The following DCPH1 variants were observed in gnomAD, a reference collection of about 807,000 sequenced individuals.
DCPH1 encodes damage-control phosphatase 1.
the DCPH1 span, chr6:151,454,648 G>A: frequency 4.8e-6 from 7 of 1,464,542 alleles, no homozygotes; most frequent in Non-Finnish European, 6.7e-6. Flanking sequence ...TGAGAAACAC[G>A]GAGAGGTAAG....
chr6:151,452,615 T>C, the DCPH1 span: 10 of 1,595,704 alleles, frequency 6.3e-6, no homozygotes, highest in Non-Finnish European at 8.5e-6. Context: ...CTCCCCACTT[T>C]TGCGGAAAGC....
the DCPH1 span, among the ~76,000 whole-genome samples, chr6:151,467,865 C>A: frequency 6.6e-6 from 1 of 152,062 alleles, no homozygotes; most frequent in Non-Finnish European, 1.5e-5. Flanking sequence ...TTAAATTTTA[C>A]AAATGAGAGA....
At chr6:151,456,260 A>G in the DCPH1 span, among the ~76,000 whole-genome samples, 1 of 152,238 alleles carries the variant, frequency 6.6e-6, no homozygotes, top group Non-Finnish European at 1.5e-5. Context: ...GTAAAAGAGC[A>G]TACATATACC....
the DCPH1 span, among the ~76,000 whole-genome samples, chr6:151,455,395 T>G: frequency 6.6e-6 from 1 of 152,210 alleles, no homozygotes; most frequent in African/African-American, 2.4e-5. Context: ...TGATCATTCG[T>G]GGGTGTTTCT....
the DCPH1 span, among the ~76,000 whole-genome samples, chr6:151,454,842 T>C: frequency 1.2e-4 from 18 of 152,344 alleles, no homozygotes; most frequent in Admixed American, 1.3e-4. Flanking sequence ...ATGATTGTGT[T>C]CCAATAATTA....
the DCPH1 span, among the ~76,000 whole-genome samples, chr6:151,465,357 T>C: frequency 6.6e-6 from 1 of 152,088 alleles, no homozygotes; most frequent in South Asian, 2.1e-4. Flanking sequence ...TAGAAAGTGC[T>C]ATGAAGAGAA....
chr6:151,459,746 C>A, the DCPH1 span, among the ~76,000 whole-genome samples: 1 of 152,148 alleles, frequency 6.6e-6, no homozygotes, highest in Non-Finnish European at 1.5e-5. Context: ...GCCAAGATTA[C>A]ACCACCGCAC....
chr6:151,453,449 T>G, the DCPH1 span, among the ~76,000 whole-genome samples: 2 of 152,246 alleles, frequency 1.3e-5, no homozygotes, highest in Admixed American at 6.5e-5. Context: ...CTCTGAGGTA[T>G]TAGTGATTTC....
chr6:151,458,704 T>C, the DCPH1 span: 2 of 653,200 alleles, frequency 3.1e-6, no homozygotes, highest in East Asian at 2.8e-5. Flanking sequence ...CTTAATAGCA[T>C]TGTTGGACAT....
the DCPH1 span, chr6:151,454,424 T>A: frequency 3.2e-6 from 2 of 624,072 alleles, no homozygotes; most frequent in Non-Finnish European, 2.9e-6. Context: ...CATACAATAC[T>A]TGTCTATCTT....
the DCPH1 span, among the ~76,000 whole-genome samples, chr6:151,457,574 A>G: frequency 6.6e-6 from 1 of 152,156 alleles, no homozygotes; most frequent in Non-Finnish European, 1.5e-5. Context: ...CTTTTTTTCT[A>G]GCAGCAAAAT....
chr6:151,467,017 G>A, the DCPH1 span, among the ~76,000 whole-genome samples: 12 of 152,274 alleles, frequency 7.9e-5, no homozygotes, highest in African/African-American at 2.9e-4. Flanking sequence ...CTGGGAGGCC[G>A]AGGTGGGCAG....
the DCPH1 span, among the ~76,000 whole-genome samples, chr6:151,464,138 G>A: frequency 1.3e-5 from 2 of 152,152 alleles, no homozygotes; most frequent in African/African-American, 4.8e-5. Context: ...CAGTTGTCTT[G>A]AAATTTATCT....
chr6:151,468,409 A>C, the DCPH1 span: 2 of 1,600,404 alleles, frequency 1.2e-6, no homozygotes, highest in Non-Finnish European at 1.7e-6. Context: ...TCAGAATACC[A>C]ATGTACTAAA....
At chr6:151,453,511 G>T in the DCPH1 span, among the ~76,000 whole-genome samples, 4 of 152,150 alleles carry the variant, frequency 2.6e-5, no homozygotes, top group Non-Finnish European at 4.4e-5. Context: ...GTTATTATGC[G>T]CATTAAAACC....
At chr6:151,457,930 G>A in the DCPH1 span, among the ~76,000 whole-genome samples, 5 of 152,052 alleles carry the variant, frequency 3.3e-5, no homozygotes, top group East Asian at 5.8e-4. Flanking sequence ...GCTAGAACTT[G>A]GTGGAAAACA....
chr6:151,464,188 A>G, the DCPH1 span, among the ~76,000 whole-genome samples: 3 of 152,344 alleles, frequency 2.0e-5, no homozygotes, highest in South Asian at 4.1e-4. Flanking sequence ...TAGGTAGATA[A>G]TTATGAGCAT....
chr6:151,467,503 C>G, the DCPH1 span, among the ~76,000 whole-genome samples: 1 of 151,792 alleles, frequency 6.6e-6, no homozygotes, highest in Admixed American at 6.6e-5. Flanking sequence ...TTCTATATGC[C>G]AGGTATTTGG....
chr6:151,462,982 G>T, the DCPH1 span, among the ~76,000 whole-genome samples: 1 of 152,280 alleles, frequency 6.6e-6, no homozygotes, highest in Middle Eastern at 3.4e-3. Flanking sequence ...CCATTGTCGT[G>T]TGAATGCAAC....
Sources: allele counts gnomAD v4.1 joint callset (sites outside exome capture counted in the v4.1 genomes callset), GRCh38; gene constraint gnomAD v4.1.1; transcripts MANE v1.5; gene names NCBI Gene and HGNC (gene_info 2026-07-23, HGNC 2026-07-21).